RARB: variants seen among roughly 807,000 people sequenced by gnomAD.
RARB encodes the protein HBV-activated protein.
A neutral mutation model predicts 51.9 loss-of-function variants in RARB; 17 were observed. The observed-to-expected ratio is 0.33, with a 90% confidence interval of 0.22 to 0.49. RARB has a LOEUF of 0.49. RARB is among the 20% of genes least tolerant of loss of function. The pLI is 0.99. For missense variants in RARB, 369 were observed against 550.8 expected (o/e 0.67, Z 3.30); for synonymous variants, 215 against 195.4 (o/e 1.10, Z -0.84).
chr3:25,242,184 C>T (rs903237482), intron 5 of RARB, among the ~76,000 whole-genome samples: 1 of 151,920 alleles, frequency 6.6e-6, no homozygotes, highest in Non-Finnish European at 1.5e-5. Flanking sequence ...TGTTTAAGTT[C>T]CTTGTAGATT....
In RARB at chr3:24,844,151, G is replaced by T. The variant is rs1657963183; in HGVS notation, c.-458-14523G>T. Among the ~76,000 whole-genome samples the T allele has an allele frequency of 2.0e-5, 3 of 152,220 alleles. No homozygotes were observed. In the South Asian group the frequency reaches 6.2e-4, roughly 31 times the overall value. ...CTGGAGGGAGATGGATGTGCTTGAG[G>T]TCTTTGCCAGGAGGCATTACCCTTG... is the stretch of plus-strand genomic sequence containing the variant. On this transcript the variant is annotated intron_variant, in intron 1 of 11. Coordinates refer to the RARB transcript ENST00000383772.
chr3:25,036,389 G>C (rs557304987), intron 2 of RARB, among the ~76,000 whole-genome samples: 2 of 152,128 alleles, frequency 1.3e-5, no homozygotes, highest in Middle Eastern at 3.4e-3. Flanking sequence ...CCATTCTACC[G>C]TAAAAATGTA....
chr3:24,922,193 C>T (rs1370421726), intron 2 of RARB, among the ~76,000 whole-genome samples: 1 of 152,214 alleles, frequency 6.6e-6, no homozygotes, highest in Non-Finnish European at 1.5e-5. Flanking sequence ...AATCCTGGTT[C>T]TGTCACTGCT....
intron 3 of RARB, among the ~76,000 whole-genome samples, chr3:25,540,929 T>C (rs1304950622): frequency 6.6e-6 from 1 of 151,348 alleles, no homozygotes; most frequent in Non-Finnish European, 1.5e-5. Flanking sequence ...CTCCTTGCAT[T>C]CTGGCTTCTA....
rs544062562 is a variant in RARB, at chr3:25,193,719, C to T, written c.178+19144C>T. Reference sequence around the variant, plus strand: ...CAACAATTCTCATTCTAATTTTTTTCTATTGTGTATGTAGATTGTTGTTTT... The same window carrying T: ...CAACAATTCTCATTCTAATTTTTTTTTATTGTGTATGTAGATTGTTGTTTT... On this transcript the variant is annotated intron_variant, in intron 5 of 11. Coordinates refer to the RARB transcript ENST00000383772. Among the ~76,000 whole-genome samples, 13 of 151,796 alleles carry T rather than the reference C, an allele frequency of 8.6e-5. No homozygotes were observed. In the South Asian group the frequency reaches 2.7e-3, roughly 32 times the overall value.
chr3:25,237,415 T>G (rs928713840), intron 5 of RARB, among the ~76,000 whole-genome samples: 2 of 152,170 alleles, frequency 1.3e-5, no homozygotes, highest in African/African-American at 4.8e-5. Context: ...TTCAATATTC[T>G]AAATGCCATA....
At chr3:25,123,340 G>C (rs1699813326) in intron 3 of RARB, among the ~76,000 whole-genome samples, 1 of 152,180 alleles carries the variant, frequency 6.6e-6, no homozygotes, top group Non-Finnish European at 1.5e-5. Context: ...TTTGTAGGCT[G>C]CTCCTGTGGT....
chr3:25,501,575 TG>T (rs1697318763), intron 3 of RARB, among the ~76,000 whole-genome samples: 1 of 152,206 alleles, frequency 6.6e-6, no homozygotes, highest in African/African-American at 2.4e-5. Flanking sequence ...TAACTCACTG[TG>T]GATCCCAGAG....
intron 2 of RARB, among the ~76,000 whole-genome samples, chr3:25,049,940 G>T (rs1193647739): frequency 6.6e-6 from 1 of 152,180 alleles, no homozygotes; most frequent in Non-Finnish European, 1.5e-5. Flanking sequence ...ACGTAGACGG[G>T]TAGTTTGTTG....
intron 2 of RARB, among the ~76,000 whole-genome samples, chr3:25,481,481 G>A (rs1163274023): frequency 6.6e-6 from 1 of 152,214 alleles, no homozygotes; most frequent in Non-Finnish European, 1.5e-5. Context: ...GTCCAGAAAT[G>A]TGCTTTCCTT....
At chr3:25,188,327 A>T (rs1184252109) in intron 5 of RARB, among the ~76,000 whole-genome samples, 1 of 152,140 alleles carries the variant, frequency 6.6e-6, no homozygotes, top group African/African-American at 2.4e-5. Context: ...GTATAAATAA[A>T]TGTGTTTAAT....
At chr3:25,231,329 G>A (rs1022361932) in intron 5 of RARB, among the ~76,000 whole-genome samples, 2 of 152,156 alleles carry the variant, frequency 1.3e-5, no homozygotes, top group African/African-American at 2.4e-5. Context: ...CTTCTTTGAA[G>A]TTAGCTTGTA....
At chr3:25,237,544 CT>C (rs1702332961) in intron 5 of RARB, among the ~76,000 whole-genome samples, 1 of 151,970 alleles carries the variant, frequency 6.6e-6, no homozygotes, top group East Asian at 1.9e-4. Flanking sequence ...TAATGTAAAA[CT>C]TTTGATTAGA....
chr3:25,026,285 C>A (rs1172212844), intron 2 of RARB, among the ~76,000 whole-genome samples: 1 of 152,134 alleles, frequency 6.6e-6, no homozygotes, highest in African/African-American at 2.4e-5. Context: ...ATATTACAGG[C>A]CTAGGTGGCT....
intron 5 of RARB, among the ~76,000 whole-genome samples, chr3:25,185,779 C>G (rs1700960499): frequency 6.6e-6 from 1 of 152,026 alleles, no homozygotes; most frequent in African/African-American, 2.4e-5. Context: ...TTCATTTTTT[C>G]TTCTATAAGA....
In RARB at chr3:24,941,064, G is replaced by C. The variant is rs193216302; in HGVS notation, c.-380+82312G>C. 5.8e-3 allele frequency among the ~76,000 whole-genome samples: 876 copies of C among 152,132 alleles called. 7 individuals carry two copies. Among genetic ancestry groups the C allele is most frequent in the Non-Finnish European group, 7.1e-3 (485 of 68,004 alleles). ...CTTTCCATTACTATTAACTTGTAGG[G>C]GGAAATTTTTATTGTTATTGCTGAT... is the stretch of plus-strand genomic sequence containing the variant. On this transcript the variant is annotated intron_variant, in intron 2 of 11. Transcript: ENST00000383772.
intron 2 of RARB, among the ~76,000 whole-genome samples, chr3:24,922,527 T>C (rs1020857534): frequency 6.6e-6 from 1 of 152,134 alleles, no homozygotes; most frequent in African/African-American, 2.4e-5. Flanking sequence ...AAACTGAGTT[T>C]GACAGAAGTT....
intron 1 of RARB, among the ~76,000 whole-genome samples, chr3:24,829,809 T>C (rs1429264676): frequency 6.6e-6 from 1 of 152,172 alleles, no homozygotes; most frequent in Non-Finnish European, 1.5e-5. Context: ...CCGCCCCGGC[T>C]CCCTTCGCGT....
At chr3:25,312,434 C>T (rs1378618144) in intron 5 of RARB, among the ~76,000 whole-genome samples, 3 of 151,964 alleles carry the variant, frequency 2.0e-5, no homozygotes. Context: ...AGCTAATAAG[C>T]AGCACGTCAG....
Sources: allele counts gnomAD v4.1 joint callset (sites outside exome capture counted in the v4.1 genomes callset), GRCh38; gene constraint gnomAD v4.1.1; transcripts MANE v1.5; gene names NCBI Gene and HGNC (gene_info 2026-07-23, HGNC 2026-07-21).